Variants in TBC1D22B observed in about 807,000 individuals in gnomAD.
TBC1D22B encodes TBC1 domain family member 22B.
In TBC1D22B, 32 loss-of-function variants were observed where a neutral mutation model predicts 69.1. That is an observed-to-expected ratio of 0.46 (90% CI 0.35 to 0.62). The LOEUF (loss-of-function observed/expected upper bound fraction) is 0.62. Ranked by LOEUF, TBC1D22B falls within the 20% of genes least tolerant of loss-of-function variation. TBC1D22B has a pLI of 0.00. For missense variants in TBC1D22B, 462 were observed against 630.9 expected (o/e 0.73, Z 2.87); for synonymous variants, 206 against 229.8 (o/e 0.90, Z 0.94).
chr6:37,296,861 C>T (rs1169181615), intron 8 of TBC1D22B, among the ~76,000 whole-genome samples: 1 of 151,488 alleles, frequency 6.6e-6, no homozygotes, highest in Non-Finnish European at 1.5e-5. Context: ...CAGTCTCACT[C>T]TGTCGCCCAG....
chr6:37,317,014 AAG>A (rs1220207115), intron 11 of TBC1D22B, 95 bp from the exon 12 acceptor site: 1 of 1,471,490 alleles, frequency 6.8e-7, no homozygotes, highest in Non-Finnish European at 9.3e-7. Flanking sequence ...CCAACCGTGA[AAG>A]AGTTTCCCAC....
At chr6:37,310,882 A>G (rs980922943) in intron 8 of TBC1D22B, among the ~76,000 whole-genome samples, 1 of 152,242 alleles carries the variant, frequency 6.6e-6, no homozygotes, top group Non-Finnish European at 1.5e-5. Flanking sequence ...TGAAAAGTCC[A>G]ATAAAGCTTT....
intron 1 of TBC1D22B, among the ~76,000 whole-genome samples, chr6:37,261,204 G>A (rs540198749): frequency 7.2e-4 from 109 of 152,160 alleles, no homozygotes; most frequent in Middle Eastern, 6.8e-3. Flanking sequence ...GGCTGAGGCA[G>A]GTGGATCGCT....
intron 2 of TBC1D22B, among the ~76,000 whole-genome samples, chr6:37,270,418 T>A (rs895972139): frequency 5.9e-5 from 9 of 151,970 alleles, no homozygotes; most frequent in Non-Finnish European, 1.3e-4. Context: ...GCCATTGCAC[T>A]CCAGCCTGGG....
intron 7 of TBC1D22B, among the ~76,000 whole-genome samples, chr6:37,289,884 C>T (rs1767123623): frequency 6.6e-6 from 1 of 152,158 alleles, no homozygotes; most frequent in African/African-American, 2.4e-5. Context: ...TATGCCTTTT[C>T]CTCAACTACA....
At position 37,284,388 on chromosome 6, in the gene TBC1D22B, G is replaced by A. The variant is rs767058134; in HGVS notation, c.725G>A (p.Arg242Gln). 10 of 1,613,444 alleles carry A rather than the reference G, an allele frequency of 6.2e-6. No homozygotes were observed. The highest frequency in any genetic ancestry group is 2.7e-5 in the African/African-American group (2 of 74,956). ...AGGAAGTTGACCCTGCAGCGGAAGC[G>A]GGAGGAATATTTTGGCTTCATTGAA... ...ERRKLTLQRKREEYFGFIEQY... is the reference protein window; with the variant it reads ...ERRKLTLQRKQEEYFGFIEQY... Residue 242 changes from arginine to glutamine, a missense_variant, in exon 6 of 13, where the codon CGG becomes CAG. By Grantham distance (43) the Arg-to-Gln change is conservative. Coordinates refer to ENST00000373491, the MANE Select transcript of TBC1D22B (RefSeq NM_017772.4).
intron 8 of TBC1D22B, among the ~76,000 whole-genome samples, chr6:37,308,008 A>G (rs1326995274): frequency 6.6e-6 from 1 of 152,236 alleles, no homozygotes; most frequent in African/African-American, 2.4e-5. Flanking sequence ...TTGGAAAAAT[A>G]AACAGTTGAC....
rs16889625 is a variant in TBC1D22B, at chr6:37,290,366, G to A, written c.868-877G>A. Reference sequence around the variant, plus strand: ...AGTCTCAAGAATGTGTCAGACTTGGGAATTGTGGTCACCAGGATGAAACCA... The same window carrying A: ...AGTCTCAAGAATGTGTCAGACTTGGAAATTGTGGTCACCAGGATGAAACCA... On this transcript the variant is annotated intron_variant, in intron 7 of 12. Coordinates refer to ENST00000373491, the MANE Select transcript of TBC1D22B (RefSeq NM_017772.4). Among the ~76,000 whole-genome samples the A allele has an allele frequency of 1.4e-3, 208 of 152,284 alleles. 1 individual carries two copies. Among genetic ancestry groups the A allele is most frequent in the African/African-American group, 4.7e-3 (197 of 41,540 alleles).
chr6:37,303,262 A>G (rs1767619305), intron 8 of TBC1D22B, among the ~76,000 whole-genome samples: 1 of 152,244 alleles, frequency 6.6e-6, no homozygotes, highest in Admixed American at 6.5e-5. Context: ...TAGGCTCCTC[A>G]GACTCGGTGT....
chr6:37,317,004 C>A, intron 11 of TBC1D22B, 107 bp from the exon 12 acceptor site: 1 of 1,457,652 alleles, frequency 6.9e-7, no homozygotes, highest in East Asian at 2.4e-5. Flanking sequence ...CTCCATCTCC[C>A]CAACCGTGAA....
At chr6:37,268,335 C>A (rs766197891) in intron 1 of TBC1D22B, among the ~76,000 whole-genome samples, 1 of 151,982 alleles carries the variant, frequency 6.6e-6, no homozygotes, top group Non-Finnish European at 1.5e-5. Flanking sequence ...GTCAAGCGAT[C>A]CCCCCGTCTC....
intron 8 of TBC1D22B, among the ~76,000 whole-genome samples, chr6:37,294,571 C>CT (rs936534579): frequency 1.2e-4 from 18 of 152,174 alleles, no homozygotes; most frequent in African/African-American, 4.3e-4. Context: ...CAGCTGGTGA[C>CT]TTTAAGTTGA....
Position 37,305,398 on chromosome 6 carries a change from G to A in TBC1D22B, c.983-7520G>A, listed in dbSNP as rs138216552. On this transcript the variant is annotated intron_variant, in intron 8 of 12. Transcript: ENST00000373491. Reference sequence around the variant, plus strand: ...CAGCACTCACAGCAAGACGTGGAACGTTTCTAGGACTTCAGAAGTCCCTTT... The same window carrying A: ...CAGCACTCACAGCAAGACGTGGAACATTTCTAGGACTTCAGAAGTCCCTTT... 2.9e-3 allele frequency among the ~76,000 whole-genome samples: 435 copies of A among 152,268 alleles called. 2 individuals are homozygous for A. Among genetic ancestry groups the A allele is most frequent in the Middle Eastern group, 0.01 (3 of 294 alleles).
intron 8 of TBC1D22B, among the ~76,000 whole-genome samples, chr6:37,298,929 T>C (rs185067868): frequency 8.0e-4 from 122 of 152,346 alleles, no homozygotes; most frequent in African/African-American, 2.9e-3. Context: ...TGTTAAAATA[T>C]GTATTTCTCT....
chr6:37,299,075 A>C (rs1767485043), intron 8 of TBC1D22B, among the ~76,000 whole-genome samples: 1 of 152,194 alleles, frequency 6.6e-6, no homozygotes, highest in African/African-American at 2.4e-5. Flanking sequence ...TCACCTCCTT[A>C]GCAAAACCTG....
chr6:37,299,035 C>A lies in TBC1D22B; in HGVS notation c.982+7678C>A, dbSNP rs375452567. 1.2e-3 allele frequency among the ~76,000 whole-genome samples: 186 copies of A among 152,298 alleles called. 1 individual carries two copies. The highest frequency in any genetic ancestry group is 4.2e-3 in the African/African-American group (176 of 41,560). Reference sequence around the variant, plus strand: ...AAAATGTTTATACCAGTTTGTACTCCAGCCATGAAATGTGTGGATGCACTT... The same window carrying A: ...AAAATGTTTATACCAGTTTGTACTCAAGCCATGAAATGTGTGGATGCACTT... On this transcript the variant is annotated intron_variant, in intron 8 of 12. Coordinates refer to ENST00000373491, the MANE Select transcript of TBC1D22B (RefSeq NM_017772.4).
At chr6:37,271,049 A>C (rs1766469046) in intron 2 of TBC1D22B, among the ~76,000 whole-genome samples, 1 of 152,154 alleles carries the variant, frequency 6.6e-6, no homozygotes, top group South Asian at 2.1e-4. Context: ...GCAGTGGCTC[A>C]TGCCTGTAAT....
intron 8 of TBC1D22B, among the ~76,000 whole-genome samples, chr6:37,296,751 T>TTATATGTATCTCTGAAAAGTA: frequency 6.6e-6 from 1 of 152,282 alleles, no homozygotes; most frequent in Admixed American, 6.5e-5. Context: ...CATAAATTTT[T>TTATATGTATCTCTGAAAAGTA]TATATGTATC....
chr6:37,260,336 G>T (rs1455368503), intron 1 of TBC1D22B, among the ~76,000 whole-genome samples: 1 of 152,148 alleles, frequency 6.6e-6, no homozygotes, highest in Non-Finnish European at 1.5e-5. Context: ...AAATTGAAAG[G>T]TGAAAAATAA....
Sources: gnomAD v4.1 joint callset for allele counts (sites outside exome capture counted in the v4.1 genomes callset) on GRCh38, gnomAD v4.1.1 for gene constraint, MANE v1.5 for transcripts, NCBI Gene and HGNC (gene_info 2026-07-23, HGNC 2026-07-21) for gene names.